Variants in SLC16A14 observed in about 807,000 individuals in gnomAD.
SLC16A14 encodes the protein solute carrier family 16 member 14, also known as monocarboxylate transporter 14.
In SLC16A14, 14 loss-of-function variants were observed where a neutral mutation model predicts 35.8. That is an observed-to-expected ratio of 0.39 (90% CI 0.26 to 0.61). SLC16A14 has a LOEUF of 0.61. SLC16A14 is among the 20% of genes least tolerant of loss of function. SLC16A14 has a pLI of 0.51. For missense variants in SLC16A14, 533 were observed against 655.0 expected, an observed-to-expected ratio of 0.81 and a Z score of 2.03; for synonymous variants, 248 against 258.9, an observed-to-expected ratio of 0.96 and a Z score of 0.40.
intron 4 of SLC16A14, among the ~76,000 whole-genome samples, chr2:230,039,650 A>G (rs760622227): frequency 2.6e-5 from 4 of 152,222 alleles, no homozygotes; most frequent in African/African-American, 7.2e-5. Flanking sequence ...AAAAAAATCA[A>G]TAAATACAAA....
intron 4 of SLC16A14, among the ~76,000 whole-genome samples, chr2:230,040,226 T>C (rs565279872): frequency 1.4e-4 from 22 of 152,032 alleles, no homozygotes; most frequent in Non-Finnish European, 2.1e-4. Flanking sequence ...TTATTATTAT[T>C]ATTATTATTT....
rs2077532810 is a variant in SLC16A14, at chr2:230,038,096, C to T, written c.1382-565G>A. 6.6e-6 allele frequency among the ~76,000 whole-genome samples: 1 copy of T among 152,208 alleles called. No individual in the cohort carries two copies. The highest frequency in any genetic ancestry group is 2.1e-4 in the South Asian group (1 of 4,836). ...TCAGGTGTTATAAAATTCACATTTA[C>T]AGTCACAAAACTTTAATATTTACAT... On this transcript the variant is annotated intron_variant, in intron 4 of 4. Transcript: ENST00000295190. The surrounding 1 kb of genome is among the most constrained non-coding windows in gnomAD (Gnocchi z 4.4).
In SLC16A14 at chr2:230,046,025, T is replaced by C. The variant is rs760017242; in HGVS notation, c.1101A>G (p.Lys367=). The C allele has an allele frequency of 6.2e-7, 1 of 1,613,892 alleles. No individual in the cohort carries two copies. Among genetic ancestry groups the C allele is most frequent in the Non-Finnish European group, 8.5e-7 (1 of 1,179,866 alleles). Residue 367 remains lysine, a synonymous_variant, in exon 4 of 5, where the codon AAA becomes AAG. Coordinates refer to ENST00000295190, the MANE Select transcript of SLC16A14 (RefSeq NM_152527.5). The surrounding 1 kb of genome is among the most constrained non-coding windows in gnomAD (Gnocchi z 5.0). ...SIIAIVHIFG[K]VILGVIADLP... is the part of the protein sequence containing the mutation. ...AGTCGGCTATGACGCCCAGGATCAC[T>C]TTTCCAAAGATGTGAACTATTGCTA...
chr2:230,067,744 C>G (rs2077813477), intron 1 of SLC16A14, among the ~76,000 whole-genome samples: 1 of 152,232 alleles, frequency 6.6e-6, no homozygotes, highest in Non-Finnish European at 1.5e-5. Context: ...AGTTCAGCTC[C>G]TAAAACATCG....
chr2:230,059,880 C>T (rs918631130), intron 1 of SLC16A14, among the ~76,000 whole-genome samples: 3 of 152,146 alleles, frequency 2.0e-5, no homozygotes, highest in Admixed American at 2.0e-4. Flanking sequence ...TCAGTGCAGC[C>T]AGAGTGGATT....
At chr2:230,065,945 A>G (rs947371381) in intron 1 of SLC16A14, among the ~76,000 whole-genome samples, 4 of 152,086 alleles carry the variant, frequency 2.6e-5, no homozygotes, top group Non-Finnish European at 5.9e-5. Flanking sequence ...CCTGACATAC[A>G]TGTAAAATGA....
rs780218663 is a variant in SLC16A14, at chr2:230,046,621, C to T, written c.505G>A (p.Gly169Arg). Residue 169 changes from glycine (G) to arginine (R), a missense_variant, in exon 4 of 5, where the codon GGA becomes AGA. Gly to Arg is a moderately radical substitution (Grantham distance 125). Transcript: ENST00000295190. The surrounding 1 kb of genome is among the most constrained non-coding windows in gnomAD (Gnocchi z 5.0). ...ACAGTCATTAGGAACGTACCGAATC[C>T]GGTCCCCGTGGTGCTGAGGCCCTGG... ...LAQGLSTTGT[G>R]FGTFLMTVLL... 3 of 1,612,448 alleles carry T rather than the reference C, an allele frequency of 1.9e-6. No individual in the cohort carries two copies. Among genetic ancestry groups the T allele is most frequent in the South Asian group, 1.1e-5 (1 of 91,088 alleles).
chr2:230,055,256 G>GTACA (rs1443557760), intron 2 of SLC16A14, among the ~76,000 whole-genome samples: 2 of 152,142 alleles, frequency 1.3e-5, no homozygotes, highest in Non-Finnish European at 2.9e-5. Context: ...GTGGCATGCA[G>GTACA]TGCGTGCTAA....
Position 230,059,358 on chromosome 2 carries a change from A to G in SLC16A14, c.-6T>C, listed in dbSNP as rs1373307377. On this transcript the variant is annotated 5_prime_UTR_variant, in exon 2 of 5. Coordinates refer to ENST00000295190, the MANE Select transcript of SLC16A14 (RefSeq NM_152527.5). ...TCTTCATGACTGGTATACATTTTCC[A>G]AGATTTTTCTGAAATACATATAACA... The G allele has an allele frequency of 6.5e-7, 1 of 1,549,392 alleles. No individual in the cohort carries two copies. The highest frequency in any genetic ancestry group is 8.7e-7 in the Non-Finnish European group (1 of 1,147,906).
At chr2:230,066,645 T>TTTA in intron 1 of SLC16A14, 1 of 438,106 alleles carries the variant, frequency 2.3e-6, no homozygotes, top group Non-Finnish European at 4.5e-6. Flanking sequence ...GTCATTTTTT[T>TTTA]TTTTTTTTTG....
chr2:230,057,838 C>A (rs2077718117), intron 2 of SLC16A14, among the ~76,000 whole-genome samples: 1 of 152,024 alleles, frequency 6.6e-6, no homozygotes, highest in Non-Finnish European at 1.5e-5. Flanking sequence ...ACCAGCCTGG[C>A]CAACATGGTG....
chr2:230,055,239 C>T (rs2077695310), intron 2 of SLC16A14, among the ~76,000 whole-genome samples: 1 of 152,080 alleles, frequency 6.6e-6, no homozygotes, highest in Non-Finnish European at 1.5e-5. Context: ...TGTACATTAA[C>T]GTGCATGTGG....
chr2:230,066,342 C>T (rs954922550), intron 1 of SLC16A14, among the ~76,000 whole-genome samples: 1 of 151,950 alleles, frequency 6.6e-6, no homozygotes, highest in African/African-American at 2.4e-5. Flanking sequence ...TCTAAGCAAG[C>T]TTGCTATTGG....
At position 230,038,520 on chromosome 2, in the gene SLC16A14, CAA is replaced by C. The variant is rs2077535475; in HGVS notation, c.1382-991_1382-990del. ...CAAACTGAGAGGATTGAGTTACACACAAGAGTTTTATTTATGGTAAAAATGTA... is the reference window on the plus strand; with the variant it reads ...CAAACTGAGAGGATTGAGTTACACACGAGTTTTATTTATGGTAAAAATGTA... On this transcript the variant is annotated intron_variant, in intron 4 of 4. Transcript: ENST00000295190. This position sits in a 1 kb window ranked among gnomAD's most constrained non-coding sequence, Gnocchi z 4.4. Among the ~76,000 whole-genome samples, 1 of 152,296 alleles carries C rather than the reference CAA, an allele frequency of 6.6e-6. No homozygotes were observed. The highest frequency in any genetic ancestry group is 6.5e-5 in the Admixed American group (1 of 15,302).
At chr2:230,048,923 CAAAA>C (rs748042264) in intron 3 of SLC16A14, among the ~76,000 whole-genome samples, 2 of 15,240 alleles carry the variant, frequency 1.3e-4, no homozygotes, top group African/African-American at 4.8e-4. Context: ...AACTCCATCT[CAAAA>C]AAAAAAAAAA....
In SLC16A14 at chr2:230,059,119, G is replaced by A. The variant is rs1465557519; in HGVS notation, c.234C>T (p.Leu78=). ...CCACTATCAAGGTGATGCCCATGCT[G>A]AGGGAGCTGACCCAGGCGGTCAGGC... ...SRGLTAWVSS[L]SMGITLIVGP... The change falls in exon 2 of 5, where the codon CTC becomes CTT. Residue 78 remains leucine (L), a synonymous_variant. Coordinates refer to ENST00000295190, the MANE Select transcript of SLC16A14 (RefSeq NM_152527.5). 3 of 1,613,394 alleles carry A rather than the reference G, an allele frequency of 1.9e-6. No homozygotes were observed. The highest frequency in any genetic ancestry group is 2.5e-6 in the Non-Finnish European group (3 of 1,179,672).
rs2077612029 is a variant in SLC16A14 at position 230,046,734 on chromosome 2, GA to G, written c.404-13del. 6.4e-7 allele frequency: 1 copy of G among 1,573,500 alleles called. No homozygotes were observed. Reference sequence around the variant, plus strand: ...CCCGCTGCCCAGGCCTGTACAGGCCGACGGGGGGAAGAAAAGACACAGTGCA... The same window carrying G: ...CCCGCTGCCCAGGCCTGTACAGGCCGCGGGGGGAAGAAAAGACACAGTGCA... On this transcript the variant is annotated splice_polypyrimidine_tract_variant and intron_variant, in intron 3 of 4. Coordinates refer to ENST00000295190, the MANE Select transcript of SLC16A14 (RefSeq NM_152527.5). This position sits in a 1 kb window ranked among gnomAD's most constrained non-coding sequence, Gnocchi z 5.0.
Position 230,067,534 on chromosome 2 carries a change from T to TTCTCTC in SLC16A14, c.-15+1015_-15+1020dup, listed in dbSNP as rs145179402. Reference sequence around the variant, plus strand: ...CCCAACACTGCCTCTCTCCCCTCTCTTCTCTCTCTCTCTCTCTCTCTCTCT... The same window carrying TTCTCTC: ...CCCAACACTGCCTCTCTCCCCTCTCTTCTCTCTCTCTCTCTCTCTCTCTCTCTCTCT... On this transcript the variant is annotated intron_variant, in intron 1 of 4. Coordinates refer to ENST00000295190, the MANE Select transcript of SLC16A14 (RefSeq NM_152527.5). Among the ~76,000 whole-genome samples the TTCTCTC allele has an allele frequency of 4.7e-4, 61 of 128,428 alleles. 2 individuals are homozygous for TTCTCTC. The highest frequency in any genetic ancestry group is 3.6e-3 in the Middle Eastern group (1 of 276). The allele number at this position is 128,428 out of a possible 152,430, so 84.3% of individuals were successfully genotyped here. A position where few individuals can be genotyped will look rare whatever the true frequency, so the allele number is the denominator to read the frequency against.
rs748453094 is a variant in SLC16A14, at chr2:230,037,363, C to T, written c.*17G>A. On this transcript the variant is annotated 3_prime_UTR_variant, in exon 5 of 5. Transcript: ENST00000295190. The stretch of plus-strand genomic sequence containing the variant: ...CATGAGTATTACAATGAAACCTACA[C>T]GGAACATTACATGATACTAAACATG... 47 of 1,577,918 alleles carry T rather than the reference C, an allele frequency of 3.0e-5. No homozygotes were observed. Among genetic ancestry groups the T allele is most frequent in the Non-Finnish European group, 3.4e-5 (40 of 1,165,790 alleles).
Sources: gnomAD v4.1 joint callset for allele counts (sites outside exome capture counted in the v4.1 genomes callset) on GRCh38, gnomAD v4.1.1 for gene constraint, Gnocchi (gnomAD v3.1) non-coding constraint, MANE v1.5 for transcripts, NCBI Gene and HGNC (gene_info 2026-07-23, HGNC 2026-07-21) for gene names.